Variants in DRAM2 observed in about 807,000 individuals in gnomAD.
DRAM2 encodes DNA damage-regulated autophagy modulator protein 2.
A neutral mutation model predicts 33.5 loss-of-function variants in DRAM2; 26 were observed. The observed-to-expected ratio is 0.78, with a 90% CI of 0.57 to 1.08. DRAM2 has a LOEUF of 1.08. DRAM2 is among the 50% of genes least tolerant of loss of function. DRAM2 has a pLI of 0.00. For missense variants in DRAM2, 311 were observed against 318.1 expected, an observed-to-expected ratio of 0.98 and a Z score of 0.17; for synonymous variants, 98 against 109.5, an observed-to-expected ratio of 0.89 and a Z score of 0.66.
chr1:111,125,005 A>C, intron 5 of DRAM2, 124 bp from the exon 6 acceptor site: 1 of 871,024 alleles, frequency 1.1e-6, no homozygotes, highest in Non-Finnish European at 1.7e-6. Flanking sequence ...AATTAATCAG[A>C]GAGAATAAAA....
intron 4 of DRAM2, among the ~76,000 whole-genome samples, chr1:111,131,128 C>T (rs901581906): frequency 3.9e-5 from 6 of 151,940 alleles, no homozygotes; most frequent in African/African-American, 9.7e-5. Flanking sequence ...TAATTTTAAG[C>T]GGCGAATAAT....
chr1:111,124,979 CAG>C, intron 5 of DRAM2, 98 bp from the exon 6 acceptor site: 1 of 955,488 alleles, frequency 1.0e-6, no homozygotes, highest in Non-Finnish European at 1.5e-6. Context: ...TCCAGAATCA[CAG>C]ATTTTCCTTT....
intron 3 of DRAM2, among the ~76,000 whole-genome samples, chr1:111,134,337 ATGAACTTTG>A (rs1652719017): frequency 6.6e-6 from 1 of 151,922 alleles, no homozygotes; most frequent in South Asian, 2.1e-4. Context: ...AGTGTTTTCC[ATGAACTTTG>A]TGAATACTTA....
In DRAM2 at chr1:111,119,874, T is replaced by C; in HGVS notation, c.600+3A>G. 8.7e-6 allele frequency: 14 copies of C among 1,611,698 alleles called. No homozygotes were observed. Among genetic ancestry groups the C allele is most frequent in the Non-Finnish European group, 1.2e-5 (14 of 1,178,190 alleles). On this transcript the variant is annotated splice_donor_region_variant and intron_variant, in intron 8 of 9. Transcript: ENST00000484310. ...ACTAAGTTTATAGACTGTAAGTTCT[T>C]ACTTTGTCCTCGGGGTTCCAATGGA...
intron 9 of DRAM2, 55 bp downstream of exon 9, chr1:111,118,750 C>T: frequency 1.4e-6 from 2 of 1,383,916 alleles, no homozygotes. Context: ...AGTCTACCTT[C>T]CTGGACTAAG....
chr1:111,130,840 CAA>C (rs11296565), intron 4 of DRAM2, among the ~76,000 whole-genome samples: 58 of 140,348 alleles, frequency 4.1e-4, no homozygotes, highest in African/African-American at 3.6e-4. Flanking sequence ...ACTAAAAATG[CAA>C]AAAAAAAAAA....
At chr1:111,118,358 G>T in intron 9 of DRAM2, 91 bp from the exon 10 acceptor site, 1 of 817,560 alleles carries the variant, frequency 1.2e-6, no homozygotes, top group Non-Finnish European at 1.9e-6. Context: ...TTGTGATTAT[G>T]AATGTAAATC....
At chr1:111,132,147 CAGAG>C (rs1014058264) in intron 3 of DRAM2, among the ~76,000 whole-genome samples, 4 of 152,056 alleles carry the variant, frequency 2.6e-5, no homozygotes, top group African/African-American at 7.2e-5. Flanking sequence ...TCCAGGAAGG[CAGAG>C]AGAGAGGATG....
chr1:111,117,944 T>A lies in DRAM2; in HGVS notation c.*216A>T, dbSNP rs1571006824. On this transcript the variant is annotated 3_prime_UTR_variant, in exon 10 of 10. Coordinates refer to ENST00000484310, the MANE Select transcript of DRAM2 (RefSeq NM_001349884.2). The stretch of plus-strand genomic sequence containing the variant: ...GACTTTATTTTCTGAGATAAAAAAG[T>A]ATAGGCATAGGTGTTTTTAATAGTC... The A allele has an allele frequency of 1.8e-6, 1 of 550,948 alleles. No homozygotes were observed. The highest frequency in any genetic ancestry group is 3.1e-5 in the East Asian group (1 of 32,226). 34.1% of individuals were successfully genotyped at this position (550,948 alleles called of 1,614,324 possible).
chr1:111,132,760 C>A (rs1367944306), intron 3 of DRAM2, among the ~76,000 whole-genome samples: 2 of 151,246 alleles, frequency 1.3e-5, no homozygotes, highest in African/African-American at 2.4e-5. Context: ...CAGCTAACAG[C>A]AGCCTTGACC....
chr1:111,131,049 A>C (rs1458788478), intron 4 of DRAM2, among the ~76,000 whole-genome samples: 1 of 152,120 alleles, frequency 6.6e-6, no homozygotes, highest in Non-Finnish European at 1.5e-5. Context: ...CGCAGTAAGC[A>C]TATTAAGACA....
intron 2 of DRAM2, among the ~76,000 whole-genome samples, chr1:111,137,986 A>T (rs963315586): frequency 6.6e-6 from 1 of 152,264 alleles, no homozygotes; most frequent in Non-Finnish European, 1.5e-5. Flanking sequence ...ATCTCTAAAC[A>T]CAAGTCCTAC....
intron 3 of DRAM2, among the ~76,000 whole-genome samples, chr1:111,136,343 A>C (rs1466174796): frequency 6.6e-6 from 1 of 152,198 alleles, no homozygotes; most frequent in African/African-American, 2.4e-5. Context: ...AGGCAGGCGG[A>C]TCACGAGGTC....
At chr1:111,139,038 A>T (rs1221572830) in intron 2 of DRAM2, 1 of 152,242 alleles carries the variant, frequency 6.6e-6, no homozygotes, top group Non-Finnish European at 1.5e-5. Context: ...ATCAGGCTCA[A>T]ATCAAAATAT....
intron 8 of DRAM2, 67 bp downstream of exon 8, chr1:111,119,805 AAAAAC>A: frequency 8.0e-7 from 1 of 1,254,594 alleles, no homozygotes; most frequent in South Asian, 1.3e-5. Flanking sequence ...TGATGAAATG[AAAAAC>A]ATATCAAGAT....
At position 111,118,040 on chromosome 1, in the gene DRAM2, C is replaced by T. The variant is rs1269373487; in HGVS notation, c.*120G>A. 3.7e-6 allele frequency: 3 copies of T among 813,990 alleles called. No individual in the cohort carries two copies. Among genetic ancestry groups the T allele is most frequent in the Non-Finnish European group, 6.2e-6 (3 of 482,460 alleles). The allele number at this position is 813,990 out of a possible 1,614,324, so 50.4% of individuals were successfully genotyped here. A position where few individuals can be genotyped will look rare whatever the true frequency, so the allele number is the denominator to read the frequency against. ...ATGTTTCCTGATTATCAGCATTCAT[C>T]AGTGTTACTGTCAGCCTTGATTAAG... On this transcript the variant is annotated 3_prime_UTR_variant, in exon 10 of 10. Transcript: ENST00000484310.
Position 111,119,934 on chromosome 1 carries a change from G to A in DRAM2, c.543C>T (p.His181=). 6.2e-7 allele frequency: 1 copy of A among 1,612,752 alleles called. No individual in the cohort carries two copies. Among genetic ancestry groups the A allele is most frequent in the Admixed American group, 1.7e-5 (1 of 59,894 alleles). Residue 181 remains histidine, a synonymous_variant, in exon 8 of 10, where the codon CAC becomes CAT. Transcript: ENST00000484310. Reference sequence around the variant, plus strand: ...CTAAATCAGTCCCAAAATTGCCACTGTGCAAAACTGATGAGCAAGTCAGCA... The same window carrying A: ...CTAAATCAGTCCCAAAATTGCCACTATGCAAAACTGATGAGCAAGTCAGCA... ...LSMLTCSSVL[H]SGNFGTDLEQ...
chr1:111,128,162 A>C (rs927986637), intron 4 of DRAM2: 2 of 134,076 alleles, frequency 1.5e-5, no homozygotes, highest in African/African-American at 5.7e-5. Flanking sequence ...TTTTTGACAG[A>C]GTCTCGCTCT....
At chr1:111,138,248 T>G (rs560608036) in intron 2 of DRAM2, among the ~76,000 whole-genome samples, 1 of 152,326 alleles carries the variant, frequency 6.6e-6, no homozygotes, top group Admixed American at 6.5e-5. Flanking sequence ...AACTGACAGT[T>G]TATAGAAGCA....
Sources: gnomAD v4.1 joint callset for allele counts (sites outside exome capture counted in the v4.1 genomes callset) on GRCh38, gnomAD v4.1.1 for gene constraint, MANE v1.5 for transcripts, NCBI Gene and HGNC (gene_info 2026-07-23, HGNC 2026-07-21) for gene names.